The following DDX10 variants were observed in gnomAD, a reference collection of about 807,000 sequenced individuals.
DDX10 encodes DEAD-box helicase 10.
Under a neutral mutation model 104.3 loss-of-function variants are expected in DDX10, and 74 were observed. That is an observed-to-expected ratio of 0.71 (90% CI 0.59 to 0.86). The LOEUF (loss-of-function observed/expected upper bound fraction) is 0.86. Ranked by LOEUF, DDX10 falls within the 40% of genes least tolerant of loss-of-function variation. The pLI, the probability that DDX10 is intolerant of heterozygous loss-of-function variation, is 0.00. For missense variants in DDX10, 952 were observed against 1,040.0 expected (o/e 0.92, Z 1.16); for synonymous variants, 351 against 353.4 (o/e 0.99, Z 0.08).
At chr11:108,936,545 C>G (rs1285053529) in intron 17 of DDX10, among the ~76,000 whole-genome samples, 2 of 151,936 alleles carry the variant, frequency 1.3e-5, no homozygotes, top group African/African-American at 4.8e-5. Context: ...TCTTCCAAAC[C>G]TTTTTCTATG....
chr11:108,679,666 TA>T (rs1354933227), intron 6 of DDX10, 106 bp downstream of exon 6: 4 of 828,298 alleles, frequency 4.8e-6, no homozygotes, highest in Non-Finnish European at 5.4e-6. Flanking sequence ...TTCTATGAGT[TA>T]TTGGTTATGC....
At chr11:108,736,246 A>G (rs2094318242) in intron 13 of DDX10, among the ~76,000 whole-genome samples, 1 of 140,188 alleles carries the variant, frequency 7.1e-6, no homozygotes, top group African/African-American at 2.7e-5. Context: ...CTCATTCTGT[A>G]TTCTTCTGTT....
intron 17 of DDX10, among the ~76,000 whole-genome samples, chr11:108,938,575 AC>A (rs1275195502): frequency 2.6e-5 from 4 of 152,154 alleles, no homozygotes; most frequent in African/African-American, 9.7e-5. Context: ...AGGGCTCAAT[AC>A]TTTTTTTTAA....
At chr11:108,928,209 G>A (rs1430186535) in intron 17 of DDX10, among the ~76,000 whole-genome samples, 28 of 152,170 alleles carry the variant, frequency 1.8e-4, no homozygotes, top group Non-Finnish European at 7.4e-5. Flanking sequence ...GCCAGAAAGG[G>A]AATTAAAAAT....
chr11:108,666,792 A>G (rs981923999), intron 1 of DDX10, among the ~76,000 whole-genome samples: 1 of 152,222 alleles, frequency 6.6e-6, no homozygotes, highest in African/African-American at 2.4e-5. Flanking sequence ...TAATCACCCC[A>G]TCCCAAGATC....
chr11:108,886,726 A>G (rs1330231851), intron 16 of DDX10, among the ~76,000 whole-genome samples: 1 of 152,226 alleles, frequency 6.6e-6, no homozygotes, highest in Non-Finnish European at 1.5e-5. Flanking sequence ...AAGACAAACA[A>G]GCATTTTTCA....
chr11:108,857,372 C>G (rs1200831331), intron 16 of DDX10, among the ~76,000 whole-genome samples: 1 of 152,106 alleles, frequency 6.6e-6, no homozygotes, highest in Non-Finnish European at 1.5e-5. Context: ...TGGGCCTGTT[C>G]TCAGCATGTG....
chr11:108,839,523 AC>A (rs1472718406), intron 14 of DDX10, among the ~76,000 whole-genome samples: 10 of 152,324 alleles, frequency 6.6e-5, no homozygotes, highest in Non-Finnish European at 1.5e-4. Flanking sequence ...ATTGAATGAA[AC>A]ATCTATTTCA....
intron 13 of DDX10, among the ~76,000 whole-genome samples, chr11:108,815,817 A>G (rs1242597305): frequency 1.3e-5 from 2 of 152,206 alleles, no homozygotes; most frequent in African/African-American, 4.8e-5. Flanking sequence ...TTTAGACTCA[A>G]TAACACTAGA....
At chr11:108,891,840 G>T (rs1863380050) in intron 16 of DDX10, among the ~76,000 whole-genome samples, 2 of 152,052 alleles carry the variant, frequency 1.3e-5, no homozygotes, top group African/African-American at 4.8e-5. Context: ...AACACTTTGT[G>T]GGGAGGGCAC....
At chr11:108,725,604 C>T (rs2094304452) in intron 13 of DDX10, among the ~76,000 whole-genome samples, 1 of 151,992 alleles carries the variant, frequency 6.6e-6, no homozygotes, top group South Asian at 2.1e-4. Flanking sequence ...CATATATCTT[C>T]TTTGGTGAAA....
At chr11:108,922,348 A>G (rs1321194694) in intron 17 of DDX10, 2 of 152,230 alleles carry the variant, frequency 1.3e-5, no homozygotes, top group Non-Finnish European at 2.9e-5. Flanking sequence ...AAGGAGAAAG[A>G]AAGAAGCTAT....
intron 13 of DDX10, among the ~76,000 whole-genome samples, chr11:108,833,716 A>G (rs753352214): frequency 2.0e-5 from 3 of 152,134 alleles, no homozygotes; most frequent in Non-Finnish European, 4.4e-5. Context: ...AAAGCTCTTC[A>G]ACTTGACCAC....
intron 1 of DDX10, among the ~76,000 whole-genome samples, chr11:108,671,831 G>T (rs1012385125): frequency 6.6e-6 from 1 of 151,956 alleles, no homozygotes; most frequent in Non-Finnish European, 1.5e-5. Flanking sequence ...AAGCCGAGGC[G>T]GGTGGATCAC....
In DDX10 at chr11:108,940,437, C is replaced by T; in HGVS notation, c.*14C>T. On this transcript the variant is annotated 3_prime_UTR_variant, in exon 18 of 18. Transcript: ENST00000322536. Reference sequence around the variant, plus strand: ...AGTCAAAGCTAAATACTTCCTGCGCCTGCCTTCTCCTTGAAACCTTGGTTA... The same window carrying T: ...AGTCAAAGCTAAATACTTCCTGCGCTTGCCTTCTCCTTGAAACCTTGGTTA... The T allele has an allele frequency of 6.2e-7, 1 of 1,608,414 alleles. No individual in the cohort carries two copies. The highest frequency in any genetic ancestry group is 8.5e-7 in the Non-Finnish European group (1 of 1,177,790).
At chr11:108,793,317 T>C (rs1238048475) in intron 13 of DDX10, among the ~76,000 whole-genome samples, 1 of 152,210 alleles carries the variant, frequency 6.6e-6, no homozygotes, top group African/African-American at 2.4e-5. Flanking sequence ...AGCCCTCTGG[T>C]AGATTTCAAT....
At chr11:108,762,921 C>T (rs1039219959) in intron 13 of DDX10, among the ~76,000 whole-genome samples, 3 of 152,094 alleles carry the variant, frequency 2.0e-5, no homozygotes, top group East Asian at 1.9e-4. Context: ...GGCTTTCCTT[C>T]GCTGTATGTA....
chr11:108,677,710 G>A (rs185240381), intron 4 of DDX10, among the ~76,000 whole-genome samples: 2 of 148,290 alleles, frequency 1.3e-5, no homozygotes, highest in Admixed American at 1.4e-4. Context: ...CATCTAGAAT[G>A]CCTCTATCTG....
intron 6 of DDX10, among the ~76,000 whole-genome samples, chr11:108,680,951 T>C (rs1032049828): frequency 4.6e-5 from 7 of 152,222 alleles, no homozygotes; most frequent in African/African-American, 1.7e-4. Context: ...GTATAGTTTT[T>C]TTCCCTTGGC....
Sources: gnomAD v4.1 joint callset for allele counts (sites outside exome capture counted in the v4.1 genomes callset) on GRCh38, gnomAD v4.1.1 for gene constraint, MANE v1.5 for transcripts, NCBI Gene and HGNC (gene_info 2026-07-23, HGNC 2026-07-21) for gene names.